Variants in LRP1B observed in about 807,000 individuals in gnomAD.
LRP1B encodes the protein low-density lipoprotein receptor-related protein 1B.
A neutral mutation model predicts 556.6 loss-of-function variants in LRP1B; 217 were observed. That is an observed-to-expected ratio of 0.39 (90% CI 0.35 to 0.44). The LOEUF (loss-of-function observed/expected upper bound fraction) is 0.44, where lower values mean the gene tolerates loss of function less well. LRP1B is among the 20% of genes least tolerant of loss of function. The pLI, the probability that LRP1B is intolerant of heterozygous loss-of-function variation, is 1.00. For synonymous variants in LRP1B, 2,047 were observed against 1,865.8 expected (o/e 1.10, Z -2.50); for missense variants, 5,053 against 5,620.8 (o/e 0.90, Z 3.23).
intron 41 of LRP1B, among the ~76,000 whole-genome samples, chr2:140,630,939 C>G (rs1399349160): frequency 6.6e-6 from 1 of 152,174 alleles, no homozygotes; most frequent in Non-Finnish European, 1.5e-5. Flanking sequence ...TTCTAGGATA[C>G]TTTACATTCC....
intron 6 of LRP1B, among the ~76,000 whole-genome samples, chr2:141,191,163 A>C (rs747434167): frequency 6.6e-6 from 1 of 151,878 alleles, no homozygotes; most frequent in African/African-American, 2.4e-5. Flanking sequence ...GTATGAAAAT[A>C]CTCAGGCTCA....
chr2:141,936,092 T>TA (rs1700628476), intron 1 of LRP1B, among the ~76,000 whole-genome samples: 1 of 152,186 alleles, frequency 6.6e-6, no homozygotes, highest in Admixed American at 6.5e-5. Flanking sequence ...TAAAATTACC[T>TA]ACAAGAAACT....
chr2:141,856,814 G>A (rs964009544), intron 1 of LRP1B, among the ~76,000 whole-genome samples: 7 of 151,852 alleles, frequency 4.6e-5, no homozygotes, highest in African/African-American at 1.5e-4. Context: ...CCGTTTCAAC[G>A]ATCTCCAGTT....
chr2:140,365,457 T>A (rs1212124720), intron 71 of LRP1B, among the ~76,000 whole-genome samples: 1 of 151,742 alleles, frequency 6.6e-6, no homozygotes, highest in African/African-American at 2.4e-5. Context: ...CTTAAGTACA[T>A]CTGCCACACG....
chr2:142,021,661 T>A (rs1172717681), intron 1 of LRP1B, among the ~76,000 whole-genome samples: 1 of 152,090 alleles, frequency 6.6e-6, no homozygotes, highest in Non-Finnish European at 1.5e-5. Context: ...ATAGAAAACC[T>A]CTAGTGATAT....
At chr2:140,451,492 G>A (rs1686884410) in intron 62 of LRP1B, among the ~76,000 whole-genome samples, 1 of 152,118 alleles carries the variant, frequency 6.6e-6, no homozygotes, top group African/African-American at 2.4e-5. Context: ...ACATCTCTTA[G>A]TCTGTGTTCT....
intron 84 of LRP1B, among the ~76,000 whole-genome samples, chr2:140,284,472 T>A (rs1340532109): frequency 6.6e-6 from 1 of 151,596 alleles, no homozygotes; most frequent in Non-Finnish European, 1.5e-5. Flanking sequence ...TGTCATCATG[T>A]TGTATGTAGC....
chr2:140,915,933 C>A (rs989270630), intron 21 of LRP1B, among the ~76,000 whole-genome samples: 1 of 151,558 alleles, frequency 6.6e-6, no homozygotes, highest in African/African-American at 2.4e-5. Context: ...GAGGCTGAGG[C>A]AAGAGAATGG....
chr2:140,826,660 C>G (rs1389227092), intron 31 of LRP1B, among the ~76,000 whole-genome samples: 1 of 152,110 alleles, frequency 6.6e-6, no homozygotes, highest in Non-Finnish European at 1.5e-5. Flanking sequence ...ATGATTCCTC[C>G]TAGACTCATG....
chr2:140,551,872 T>C (rs1680559631), intron 43 of LRP1B, among the ~76,000 whole-genome samples: 1 of 152,186 alleles, frequency 6.6e-6, no homozygotes, highest in South Asian at 2.1e-4. Context: ...TAACATTTCA[T>C]GGATGCTTTT....
At chr2:140,480,558 A>C (rs1033199469) in intron 59 of LRP1B, among the ~76,000 whole-genome samples, 12 of 151,936 alleles carry the variant, frequency 7.9e-5, no homozygotes, top group Admixed American at 7.9e-4. Context: ...CTCCTGCCTC[A>C]GCCTCCTGAG....
chr2:140,528,422 G>A lies in LRP1B; in HGVS notation c.7763-2072C>T, dbSNP rs1275905496. On this transcript the variant is annotated intron_variant, in intron 47 of 90. Coordinates refer to ENST00000389484, the MANE Select transcript of LRP1B (RefSeq NM_018557.3). Reference sequence around the variant, plus strand: ...GTAATTTAAAAAACTGTATTAATAAGCATAAGGAAATAGATAAAGGAAGAA... The same window carrying A: ...GTAATTTAAAAAACTGTATTAATAAACATAAGGAAATAGATAAAGGAAGAA... 2.0e-5 allele frequency among the ~76,000 whole-genome samples: 3 copies of A among 151,858 alleles called. No homozygotes were observed. The East Asian group carries it at 5.8e-4, about 29-fold the overall frequency.
Position 141,677,566 on chromosome 2 carries a change from C to T in LRP1B, c.205+132713G>A, listed in dbSNP as rs185342677. On this transcript the variant is annotated intron_variant, in intron 2 of 90. Transcript: ENST00000389484. ...CTGCAATGGCACAATCTCGTTTCAC[C>T]GCAAACTCCACCTCTTGGGTTCAAG... 3.9e-4 allele frequency among the ~76,000 whole-genome samples: 59 copies of T among 152,098 alleles called. No homozygotes were observed. In the Middle Eastern group the frequency reaches 0.017, roughly 44 times the overall value.
At chr2:141,363,359 T>C (rs1196674067) in intron 3 of LRP1B, among the ~76,000 whole-genome samples, 4 of 152,188 alleles carry the variant, frequency 2.6e-5, no homozygotes, top group Non-Finnish European at 4.4e-5. Flanking sequence ...TATTGAGGGC[T>C]GTTAGGCCAC....
intron 66 of LRP1B, among the ~76,000 whole-genome samples, chr2:140,387,542 G>T (rs1044227316): frequency 6.6e-6 from 1 of 151,570 alleles, no homozygotes; most frequent in African/African-American, 2.4e-5. Flanking sequence ...TTTTATTAGA[G>T]AAATTCTTAT....
intron 3 of LRP1B, among the ~76,000 whole-genome samples, chr2:141,416,001 T>A (rs1021350566): frequency 6.6e-6 from 1 of 152,218 alleles, no homozygotes; most frequent in Admixed American, 6.5e-5. Context: ...CTACTGCCCA[T>A]CTTTTGAATA....
In LRP1B at chr2:140,588,133, A is replaced by G. The variant is rs146609032; in HGVS notation, c.7194+10498T>C. Among the ~76,000 whole-genome samples the G allele has an allele frequency of 2.2e-3, 329 of 152,294 alleles. 3 individuals are homozygous for G. The highest frequency in any genetic ancestry group is 0.017 in the Admixed American group (259 of 15,292). On this transcript the variant is annotated intron_variant, in intron 43 of 90. Transcript: ENST00000389484. ...GCAATTAAAGAAGAAGCCTGTGAAC[A>G]TCAAGAAAAAAGAAAGAACACTGTG... is the stretch of plus-strand genomic sequence containing the variant.
intron 2 of LRP1B, among the ~76,000 whole-genome samples, chr2:141,673,430 C>T (rs1690749197): frequency 6.6e-6 from 1 of 152,098 alleles, no homozygotes; most frequent in South Asian, 2.1e-4. Flanking sequence ...TTGTGTCTTC[C>T]CTCAATTTCC....
At chr2:141,950,887 A>ATCCTTCTCCACATCTGT in intron 1 of LRP1B, among the ~76,000 whole-genome samples, 1 of 152,186 alleles carries the variant, frequency 6.6e-6, no homozygotes, top group Non-Finnish European at 1.5e-5. Flanking sequence ...AATCTTTGAT[A>ATCCTTCTCCACATCTGT]AACAAAGAAA....
Sources: allele counts gnomAD v4.1 joint callset (sites outside exome capture counted in the v4.1 genomes callset), GRCh38; gene constraint gnomAD v4.1.1; transcripts MANE v1.5; gene names NCBI Gene and HGNC (gene_info 2026-07-23, HGNC 2026-07-21).